OTP: variants seen among roughly 807,000 people sequenced by gnomAD.
The protein encoded by OTP is orthopedia homeobox, also known as homeobox protein orthopedia.
Under a neutral mutation model 22.3 loss-of-function variants are expected in OTP, and 5 were observed. That is an observed-to-expected ratio of 0.22 (90% CI 0.12 to 0.47). OTP has a LOEUF of 0.47. Ranked by LOEUF, OTP falls within the 20% of genes least tolerant of loss-of-function variation. The probability of loss-of-function intolerance (pLI) is 0.99; values close to 1 mark genes in which losing one functional copy is unlikely to be tolerated. For missense variants in OTP, 428 were observed against 456.2 expected, an observed-to-expected ratio of 0.94 and a Z score of 0.56; for synonymous variants, 229 against 210.6, an observed-to-expected ratio of 1.09 and a Z score of -0.76.
Position 77,637,163 on chromosome 5 carries a change from G to T in OTP, c.105C>A (p.Gly35=). The T allele has an allele frequency of 1.0e-5, 16 of 1,575,772 alleles. No individual in the cohort carries two copies. The highest frequency in any genetic ancestry group is 1.4e-5 in the Non-Finnish European group (16 of 1,161,070). The change falls in exon 2 of 3, where the codon GGC becomes GGA. Residue 35 remains glycine, a synonymous_variant. Transcript: ENST00000306422. ...CCCCCGGATGGCCCCCGGGGTCGGA[G>T]CCCCCCACGCCCAGCCTACACTTCA... ...EAVKCRLGVG[G]SDPGGHPGDL... is the part of the protein sequence containing the mutation.
intron 1 of OTP, 92 bp downstream of exon 1, chr5:77,638,421 C>A: frequency 8.3e-7 from 1 of 1,203,714 alleles, no homozygotes; most frequent in Non-Finnish European, 1.2e-6. Flanking sequence ...GAAATTAGTC[C>A]ATTTAGGTCG....
In OTP at chr5:77,630,476, G is replaced by C; in HGVS notation, c.766C>G (p.Leu256Val). The change falls in exon 3 of 3, where the codon CTG (leucine) becomes GTG (valine). Residue 256 changes from leucine to valine, a missense_variant. By Grantham distance (32) the Leu-to-Val change is conservative. Around this residue, in one of 3 missense-constraint regions of OTP, gnomAD observed 236 missense variants for 238.1 expected, o/e 0.99. Coordinates refer to ENST00000306422, the MANE Select transcript of OTP (RefSeq NM_032109.3). ...PPNSMGLSNS[L>V]AGSNGAGLQS... The stretch of plus-strand genomic sequence containing the variant: ...AGCCCCGCGCCGTTGGAACCCGCCA[G>C]GCTGTTGGACAGGCCCATGGAGTTG... The C allele has an allele frequency of 1.3e-6, 2 of 1,592,500 alleles. No individual in the cohort carries two copies. Among genetic ancestry groups the C allele is most frequent in the Non-Finnish European group, 1.7e-6 (2 of 1,171,368 alleles).
rs1415745295 is a variant in OTP at position 77,629,248 on chromosome 5, A to G, written c.*1016T>C. ...GTTTATTTTATTCTTCCTTATAAAG[A>G]CTTATCAAAATGGGTCAGATCACCT... On this transcript the variant is annotated 3_prime_UTR_variant, in exon 3 of 3. Coordinates refer to ENST00000306422, the MANE Select transcript of OTP (RefSeq NM_032109.3). The G allele has an allele frequency of 6.6e-6, 1 of 152,190 alleles. No individual in the cohort carries two copies. The highest frequency in any genetic ancestry group is 1.5e-5 in the Non-Finnish European group (1 of 68,038). The allele number at this position is 152,190 out of a possible 1,614,324, so 9.4% of individuals were successfully genotyped here.
chr5:77,638,493 G>A lies in OTP; in HGVS notation c.37+20C>T, dbSNP rs773396394. ...TGCCCCGGCTTCTCCTGGCTGCCCG[G>A]GCGAGAGGCGCGCACTCACCTAGCC... On this transcript the variant is annotated intron_variant, in intron 1 of 2. Coordinates refer to ENST00000306422, the MANE Select transcript of OTP (RefSeq NM_032109.3). 45 of 1,569,018 alleles carry A rather than the reference G, an allele frequency of 2.9e-5. No homozygotes were observed. The Admixed American group carries it at 3.3e-4, about 11-fold the overall frequency.
At chr5:77,636,712 C>T (rs575572362) in intron 2 of OTP, 109 bp downstream of exon 2, 3 of 1,143,832 alleles carry the variant, frequency 2.6e-6, no homozygotes, top group Admixed American at 2.4e-5. Flanking sequence ...GCACAGGCAG[C>T]CTGAAAGCAG....
At chr5:77,636,524 G>A (rs1051378635) in intron 2 of OTP, 1 of 367,784 alleles carries the variant, frequency 2.7e-6, no homozygotes, top group Non-Finnish European at 4.9e-6. Flanking sequence ...GGGGCGCTGA[G>A]GTTGCCTTCT....
chr5:77,630,461 C>G lies in OTP; in HGVS notation c.781G>C (p.Gly261Arg). ...GLSNSLAGSN[G>R]AGLQSHLYQP... ...TAGAGGTGCGACTGCAGCCCCGCGC[C>G]GTTGGAACCCGCCAGGCTGTTGGAC... Residue 261 changes from glycine to arginine, a missense_variant, in exon 3 of 3, where the codon GGC (glycine) becomes CGC (arginine). Transcript: ENST00000306422. 1.9e-6 allele frequency: 3 copies of G among 1,586,182 alleles called. No individual in the cohort carries two copies. The highest frequency in any genetic ancestry group is 1.7e-6 in the Non-Finnish European group (2 of 1,168,038).
intron 1 of OTP, 83 bp downstream of exon 1, chr5:77,638,430 C>T (rs1745043322): frequency 7.7e-7 from 1 of 1,303,506 alleles, no homozygotes; most frequent in African/African-American, 1.5e-5. Context: ...CCATTTAGGT[C>T]GCATTAAGGT....
In OTP at chr5:77,630,293, C is replaced by G; in HGVS notation, c.949G>C (p.Glu317Gln). 6.4e-7 allele frequency: 1 copy of G among 1,561,960 alleles called. No individual in the cohort carries two copies. Among genetic ancestry groups the G allele is most frequent in the Non-Finnish European group, 8.6e-7 (1 of 1,156,588 alleles). The change falls in exon 3 of 3, where the codon GAG (glutamate) becomes CAG (glutamine). Residue 317 changes from glutamate (E) to glutamine (Q), a missense_variant. Transcript: ENST00000306422. ...SIASLRRKAL[E>Q]HTVSMSFT The stretch of plus-strand genomic sequence containing the variant: ...GTGAAGCTCATAGAGACTGTGTGCT[C>G]TAGCGCCTTGCGGCGGAGGGAGGCG...
rs1392454068 is a variant in OTP at position 77,629,355 on chromosome 5, C to T, written c.*909G>A. 6.6e-6 allele frequency: 1 copy of T among 152,230 alleles called. No individual in the cohort carries two copies. The highest frequency in any genetic ancestry group is 2.4e-5 in the African/African-American group (1 of 41,448). The allele number at this position is 152,230 out of a possible 1,614,324, so 9.4% of individuals were successfully genotyped here. On this transcript the variant is annotated 3_prime_UTR_variant, in exon 3 of 3. Coordinates refer to ENST00000306422, the MANE Select transcript of OTP (RefSeq NM_032109.3). ...TCCTCCTGAGAAGCCTTCCCTTCTA[C>T]ACTCTCACACAGTTGTGCTTAAGAA...
At position 77,630,178 on chromosome 5, in the gene OTP, C is replaced by A; in HGVS notation, c.*86G>T. On this transcript the variant is annotated 3_prime_UTR_variant, in exon 3 of 3. Transcript: ENST00000306422. ...AAGGCCGGGGCGGGACGGGGCAGGG[C>A]GCCGGGGTCCGGGTGCGCGCCGGAA... The A allele has an allele frequency of 3.5e-6, 3 of 863,214 alleles. No homozygotes were observed. Among genetic ancestry groups the A allele is most frequent in the Non-Finnish European group, 4.6e-6 (3 of 651,898 alleles). The allele number at this position is 863,214 out of a possible 1,614,324, so 53.5% of individuals were successfully genotyped here.
At chr5:77,631,551 C>CT (rs70988699) in intron 2 of OTP, among the ~76,000 whole-genome samples, 17,714 of 74,272 alleles carry the variant, frequency 0.24, 3,013 homozygotes, top group Middle Eastern at 0.31. Context: ...CAACCCTATT[C>CT]TTTTTTTTTT....
Position 77,638,577 on chromosome 5 carries a change from TC to T in OTP, c.-29del, listed in dbSNP as rs199753477. On this transcript the variant is annotated 5_prime_UTR_variant, in exon 1 of 3. Coordinates refer to ENST00000306422, the MANE Select transcript of OTP (RefSeq NM_032109.3). ...CGCACCGCTCCAGGGCGAAAGCTGT[TC>T]CCCCCCAAATTTTAGCGGCTTTAAG... 80 of 1,545,122 alleles carry T rather than the reference TC, an allele frequency of 5.2e-5. No individual in the cohort carries two copies. The highest frequency in any genetic ancestry group is 5.1e-4 in the Middle Eastern group (3 of 5,834).
intron 2 of OTP, 87 bp downstream of exon 2, chr5:77,636,734 G>T: frequency 1.5e-6 from 2 of 1,363,348 alleles, no homozygotes; most frequent in South Asian, 1.4e-5. Context: ...CCAGGATCTC[G>T]ACAGGGGAAG....
chr5:77,636,797 T>G, intron 2 of OTP, 24 bp downstream of exon 2: 1 of 1,591,614 alleles, frequency 6.3e-7, no homozygotes, highest in Non-Finnish European at 8.6e-7. Context: ...TTGCCTTCTG[T>G]CCCAGATCCC....
At chr5:77,637,313 C>A in intron 1 of OTP, 83 bp from the exon 2 acceptor site, 3 of 1,408,972 alleles carry the variant, frequency 2.1e-6, no homozygotes, top group East Asian at 2.5e-5. Flanking sequence ...TTCCTTCAAC[C>A]CGTCCTCGGC....
intron 2 of OTP, among the ~76,000 whole-genome samples, chr5:77,634,037 C>A (rs1037621524): frequency 2.6e-5 from 4 of 152,124 alleles, no homozygotes; most frequent in Admixed American, 2.6e-4. Flanking sequence ...TGGCAGGTGA[C>A]AGGGCCATTC....
Position 77,638,615 on chromosome 5 carries a change from A to G in OTP, c.-66T>C, listed in dbSNP as rs1745049542. On this transcript the variant is annotated 5_prime_UTR_variant, in exon 1 of 3. Coordinates refer to ENST00000306422, the MANE Select transcript of OTP (RefSeq NM_032109.3). ...TTAGCGGCTTTAAGTTATTTAAAAT[A>G]GATATAAGCTATAAGCTATACGATA... is the stretch of plus-strand genomic sequence containing the variant. 7.1e-7 allele frequency: 1 copy of G among 1,412,604 alleles called. No homozygotes were observed. Among genetic ancestry groups the G allele is most frequent in the Non-Finnish European group, 9.5e-7 (1 of 1,051,848 alleles). 87.5% of individuals were successfully genotyped at this position (1,412,604 alleles called of 1,614,324 possible). A position where few individuals can be genotyped will look rare whatever the true frequency, so the allele number is the denominator to read the frequency against.
In OTP at chr5:77,637,030, G is replaced by C; in HGVS notation, c.238C>G (p.Pro80Ala). 1.2e-6 allele frequency: 2 copies of C among 1,612,902 alleles called. No homozygotes were observed. The highest frequency in any genetic ancestry group is 1.7e-6 in the Non-Finnish European group (2 of 1,179,646). Residue 80 changes from proline (P) to alanine (A), a missense_variant, in exon 2 of 3, where the codon CCG becomes GCG. Pro to Ala is a conservative substitution (Grantham distance 27). This residue lies in a region of OTP where 176 missense variants were observed against 162.9 expected (regional missense o/e 1.08). Transcript: ENST00000306422. The stretch of plus-strand genomic sequence containing the variant: ...CCCTGGGGCCCGGGCTGCTTGTCCG[G>C]GTCTTTGGCGCTCACCGCCAGCGAG... ...PASLAVSAKD[P>A]DKQPGPQGGP... is the part of the protein sequence containing the mutation.
Sources: gnomAD v4.1 joint callset for allele counts (sites outside exome capture counted in the v4.1 genomes callset) on GRCh38, gnomAD v4.1.1 for gene constraint, gnomAD v4.1.1 regional missense constraint, MANE v1.5 for transcripts, NCBI Gene and HGNC (gene_info 2026-07-23, HGNC 2026-07-21) for gene names.